ADAMTS3: variants seen among roughly 807,000 people sequenced by gnomAD.
ADAMTS3 encodes the protein ADAM metallopeptidase with thrombospondin type 1 motif 3.
ADAMTS3 carries 73 observed loss-of-function variants against 129.0 expected under a neutral mutation model. That is an observed-to-expected ratio of 0.57 (90% CI 0.47 to 0.69). The LOEUF (loss-of-function observed/expected upper bound fraction) is 0.69. Among genes scored for constraint, ADAMTS3 ranks in the 30% least tolerant of loss-of-function variants. The probability of loss-of-function intolerance (pLI) is 0.00; values close to 1 mark genes in which losing one functional copy is unlikely to be tolerated. For missense variants in ADAMTS3, 1,457 were observed against 1,514.5 expected (o/e 0.96, Z 0.63); for synonymous variants, 477 against 510.8 (o/e 0.93, Z 0.89).
chr4:72,388,803 C>T (rs1721510946), intron 4 of ADAMTS3, among the ~76,000 whole-genome samples: 1 of 152,062 alleles, frequency 6.6e-6, no homozygotes. Context: ...TGAAAGCATA[C>T]AAAGAAAAAC....
intron 3 of ADAMTS3, among the ~76,000 whole-genome samples, chr4:72,512,020 C>A (rs1449605659): frequency 6.6e-6 from 1 of 152,116 alleles, no homozygotes; most frequent in Non-Finnish European, 1.5e-5. Flanking sequence ...AACAGAAAGA[C>A]AAACATCATA....
rs563671674 is a variant in ADAMTS3 at position 72,463,925 on chromosome 4, C to CA, written c.505-48955dup. Among the ~76,000 whole-genome samples the CA allele has an allele frequency of 5.8e-3, 881 of 152,016 alleles. 1 individual carries two copies. The highest frequency in any genetic ancestry group is 9.1e-3 in the Non-Finnish European group (615 of 67,926). On this transcript the variant is annotated intron_variant, in intron 3 of 21. Coordinates refer to ENST00000286657, the MANE Select transcript of ADAMTS3 (RefSeq NM_014243.3). ...CTAGCATTAGCACCAGCCAAGCAGA[C>CA]ACAGCCAGCCTGCCAAGACAAACAA... is the stretch of plus-strand genomic sequence containing the variant.
At chr4:72,321,050 A>G (rs1719540380) in intron 6 of ADAMTS3, among the ~76,000 whole-genome samples, 180 bp from the exon 7 acceptor site, 1 of 152,222 alleles carries the variant, frequency 6.6e-6, no homozygotes, top group Non-Finnish European at 1.5e-5. Context: ...GGATATTTTA[A>G]TAATAATCAA....
chr4:72,422,192 C>A (rs1722463369), intron 3 of ADAMTS3, among the ~76,000 whole-genome samples: 1 of 152,106 alleles, frequency 6.6e-6, no homozygotes, highest in South Asian at 2.1e-4. Context: ...TTAGAAGTGT[C>A]ATGCCTACAA....
At chr4:72,529,884 T>C (rs1445855062) in intron 3 of ADAMTS3, among the ~76,000 whole-genome samples, 1 of 70,234 alleles carries the variant, frequency 1.4e-5, no homozygotes, top group Non-Finnish European at 2.5e-5. Context: ...TTATATATAA[T>C]ATATTATATA....
At chr4:72,325,259 C>T (rs1342963975) in intron 5 of ADAMTS3, among the ~76,000 whole-genome samples, 1 of 152,104 alleles carries the variant, frequency 6.6e-6, no homozygotes, top group African/African-American at 2.4e-5. Flanking sequence ...CAATGTTAGA[C>T]AAAAAGCTGT....
intron 3 of ADAMTS3, among the ~76,000 whole-genome samples, chr4:72,445,292 C>G (rs549745921): frequency 6.6e-6 from 1 of 151,796 alleles, no homozygotes; most frequent in African/African-American, 2.4e-5. Context: ...TAAATACTTG[C>G]TCATGTTTAT....
intron 3 of ADAMTS3, among the ~76,000 whole-genome samples, chr4:72,517,538 T>C (rs963155136): frequency 1.3e-5 from 2 of 152,208 alleles, no homozygotes; most frequent in Non-Finnish European, 2.9e-5. Context: ...TATTCAGAGA[T>C]TCAACTTCTT....
chr4:72,549,104 A>G (rs1239175812), intron 2 of ADAMTS3, among the ~76,000 whole-genome samples: 1 of 152,222 alleles, frequency 6.6e-6, no homozygotes, highest in Non-Finnish European at 1.5e-5. Context: ...TACTTAAAAT[A>G]GTATTAAAAT....
intron 18 of ADAMTS3, among the ~76,000 whole-genome samples, chr4:72,297,054 C>A (rs1718828596): frequency 6.6e-6 from 1 of 151,982 alleles, no homozygotes; most frequent in Admixed American, 6.6e-5. Flanking sequence ...GTCTTCAGGG[C>A]AACATGTTAG....
intron 1 of ADAMTS3, among the ~76,000 whole-genome samples, chr4:72,568,273 T>G (rs1722072479): frequency 1.3e-5 from 2 of 152,042 alleles, no homozygotes; most frequent in Admixed American, 1.3e-4. Flanking sequence ...GAGAGAAAGC[T>G]CCAGGAACCC....
At chr4:72,525,184 G>A (rs769456875) in intron 3 of ADAMTS3, among the ~76,000 whole-genome samples, 57 of 152,296 alleles carry the variant, frequency 3.7e-4, no homozygotes, top group Non-Finnish European at 5.9e-4. Context: ...ACTGGGAAGA[G>A]AAACTGCTCC....
chr4:72,565,647 G>T (rs28378155), intron 2 of ADAMTS3, among the ~76,000 whole-genome samples: 4,164 of 152,250 alleles, frequency 0.027, 212 homozygotes, highest in African/African-American at 0.096. Context: ...CCATAAAACA[G>T]ATGAATATGG....
intron 3 of ADAMTS3, among the ~76,000 whole-genome samples, chr4:72,504,551 G>A (rs538115844): frequency 6.6e-6 from 1 of 152,168 alleles, no homozygotes; most frequent in South Asian, 2.1e-4. Flanking sequence ...CCTTAGGGAT[G>A]TTAGTTTTGT....
chr4:72,551,846 G>C (rs951753361), intron 2 of ADAMTS3, among the ~76,000 whole-genome samples: 10 of 152,104 alleles, frequency 6.6e-5, no homozygotes, highest in Non-Finnish European at 1.2e-4. Context: ...TGAATAGATG[G>C]AGCATCTTGC....
chr4:72,367,914 G>T (rs180888820), intron 4 of ADAMTS3, among the ~76,000 whole-genome samples: 1 of 150,626 alleles, frequency 6.6e-6, no homozygotes, highest in Admixed American at 6.9e-5. Flanking sequence ...AAAATGTCAG[G>T]GTGATTGTTA....
intron 3 of ADAMTS3, among the ~76,000 whole-genome samples, chr4:72,476,360 C>A (rs1166109879): frequency 6.6e-6 from 1 of 151,862 alleles, no homozygotes; most frequent in East Asian, 1.9e-4. Flanking sequence ...ATAAATTTAA[C>A]AACTTAGACA....
intron 16 of ADAMTS3, among the ~76,000 whole-genome samples, chr4:72,305,095 G>C (rs1375967661): frequency 6.6e-6 from 1 of 152,050 alleles, no homozygotes; most frequent in East Asian, 1.9e-4. Flanking sequence ...GTTGATACGT[G>C]ATGTCTTAGC....
At chr4:72,335,904 C>T (rs1719977794) in intron 5 of ADAMTS3, among the ~76,000 whole-genome samples, 1 of 152,048 alleles carries the variant, frequency 6.6e-6, no homozygotes, top group African/African-American at 2.4e-5. Flanking sequence ...TTCATTTGTT[C>T]TTCTTTCATT....
Sources: gnomAD v4.1 joint callset for allele counts (sites outside exome capture counted in the v4.1 genomes callset) on GRCh38, gnomAD v4.1.1 for gene constraint, MANE v1.5 for transcripts, NCBI Gene and HGNC (gene_info 2026-07-23, HGNC 2026-07-21) for gene names.